The following KCNT2 variants were observed in gnomAD, a reference collection of about 807,000 sequenced individuals.
KCNT2 encodes the protein potassium channel subfamily T member 2.
A neutral mutation model predicts 153.8 loss-of-function variants in KCNT2; 67 were observed. That is an observed-to-expected ratio of 0.44 (90% CI 0.36 to 0.53). The LOEUF (loss-of-function observed/expected upper bound fraction) is 0.53. KCNT2 is among the 20% of genes least tolerant of loss of function. The pLI, the probability that KCNT2 is intolerant of heterozygous loss-of-function variation, is 0.00. For missense variants in KCNT2, 975 were observed against 1,354.8 expected (o/e 0.72, Z 4.40); for synonymous variants, 500 against 458.8 (o/e 1.09, Z -1.15).
At chr1:196,290,631 C>T (rs1228436336) in intron 22 of KCNT2, among the ~76,000 whole-genome samples, 1 of 151,572 alleles carries the variant, frequency 6.6e-6, no homozygotes, top group Non-Finnish European at 1.5e-5. Flanking sequence ...ATTTATATAT[C>T]ACCACTTATT....
At chr1:196,453,619 A>C (rs1572508295) in intron 8 of KCNT2, among the ~76,000 whole-genome samples, 1 of 151,584 alleles carries the variant, frequency 6.6e-6, no homozygotes, top group Non-Finnish European at 1.5e-5. Flanking sequence ...TCCTTCCTCC[A>C]CTTCTTGGTC....
At chr1:196,279,963 T>C (rs1658940085) in intron 25 of KCNT2, among the ~76,000 whole-genome samples, 1 of 152,166 alleles carries the variant, frequency 6.6e-6, no homozygotes, top group South Asian at 2.1e-4. Context: ...GAAATGTATG[T>C]GTCTGATCTG....
rs905437671 is a variant in KCNT2 at position 196,337,418 on chromosome 1, G to A, written c.1783+2923C>T. 5.9e-5 allele frequency among the ~76,000 whole-genome samples: 9 copies of A among 152,178 alleles called. No individual in the cohort carries two copies. In the East Asian group the frequency reaches 1.7e-3, roughly 30 times the overall value. On this transcript the variant is annotated intron_variant, in intron 16 of 27. Coordinates refer to ENST00000294725, the MANE Select transcript of KCNT2 (RefSeq NM_198503.5). ...CAGCCTGAGTTGAGCACTCAGCATAGGTGAGATCAGGTCAATGGCTCTGCA... is the reference window on the plus strand; with the variant it reads ...CAGCCTGAGTTGAGCACTCAGCATAAGTGAGATCAGGTCAATGGCTCTGCA...
At chr1:196,501,251 T>C (rs746353637) in intron 1 of KCNT2, among the ~76,000 whole-genome samples, 1 of 152,184 alleles carries the variant, frequency 6.6e-6, no homozygotes, top group Non-Finnish European at 1.5e-5. Context: ...AAGATACAAG[T>C]ACTTGTATTT....
chr1:196,322,891 T>A (rs1166342972), intron 19 of KCNT2, among the ~76,000 whole-genome samples: 2 of 151,836 alleles, frequency 1.3e-5, no homozygotes, highest in African/African-American at 2.4e-5. Flanking sequence ...ATTAATTGGG[T>A]TTTCATAATC....
intron 23 of KCNT2, among the ~76,000 whole-genome samples, chr1:196,285,238 T>C (rs907340611): frequency 6.6e-6 from 1 of 152,200 alleles, no homozygotes; most frequent in Non-Finnish European, 1.5e-5. Flanking sequence ...CCTTAGTTTA[T>C]CAGTTTATTG....
intron 12 of KCNT2, among the ~76,000 whole-genome samples, chr1:196,408,311 A>G (rs545449378): frequency 6.6e-6 from 1 of 151,616 alleles, no homozygotes; most frequent in Admixed American, 6.6e-5. Context: ...TTCATGATCA[A>G]TTTTGCCATC....
At chr1:196,595,838 T>C (rs908369610) in intron 1 of KCNT2, among the ~76,000 whole-genome samples, 1 of 151,706 alleles carries the variant, frequency 6.6e-6, no homozygotes, top group Non-Finnish European at 1.5e-5. Context: ...CCCTCACCCT[T>C]CCTCCCGACC....
intron 8 of KCNT2, among the ~76,000 whole-genome samples, chr1:196,451,401 C>A (rs1281415289): frequency 3.2e-5 from 4 of 123,492 alleles, no homozygotes; most frequent in African/African-American, 1.2e-4. Context: ...CTACCACACC[C>A]AACACATTTT....
chr1:196,542,342 C>A (rs998854129), intron 1 of KCNT2, among the ~76,000 whole-genome samples: 1 of 152,088 alleles, frequency 6.6e-6, no homozygotes, highest in Non-Finnish European at 1.5e-5. Context: ...GAATATGGGG[C>A]AACCTGGTGA....
Position 196,339,552 on chromosome 1 carries a change from GAC to G in KCNT2, c.1783+787_1783+788del, listed in dbSNP as rs1177744975. On this transcript the variant is annotated intron_variant, in intron 16 of 27. Transcript: ENST00000294725. The stretch of plus-strand genomic sequence containing the variant: ...AGAGAGAGAGAGAGAGAGAGAGAGA[GAC>G]AGAGACACAGAGAGAGAGAGATCAG... 1.6e-4 allele frequency among the ~76,000 whole-genome samples: 22 copies of G among 137,460 alleles called. 1 individual carries two copies. The highest frequency in any genetic ancestry group is 2.3e-4 in the East Asian group (1 of 4,402). The allele number at this position is 137,460 out of a possible 152,430, so 90.2% of individuals were successfully genotyped here.
intron 22 of KCNT2, among the ~76,000 whole-genome samples, chr1:196,300,238 G>T (rs1240237198): frequency 1.3e-5 from 2 of 152,180 alleles, no homozygotes; most frequent in Non-Finnish European, 2.9e-5. Context: ...CCTCAAGATG[G>T]CAAGGAATAG....
chr1:196,442,237 A>G (rs532214610), intron 8 of KCNT2, among the ~76,000 whole-genome samples: 1 of 151,944 alleles, frequency 6.6e-6, no homozygotes, highest in Admixed American at 6.6e-5. Flanking sequence ...GTACTTAATC[A>G]CTTTACCTTT....
intron 22 of KCNT2, among the ~76,000 whole-genome samples, chr1:196,299,222 T>C (rs1220416149): frequency 1.3e-5 from 2 of 152,112 alleles, no homozygotes; most frequent in Non-Finnish European, 2.9e-5. Flanking sequence ...TCCATCTCTA[T>C]TTAGCTCTTC....
intron 1 of KCNT2, among the ~76,000 whole-genome samples, chr1:196,593,311 TACAC>T (rs869080667): frequency 0.059 from 8,324 of 140,044 alleles, 365 homozygotes; most frequent in Non-Finnish European, 0.084. Context: ...TATATATATA[TACAC>T]ACACACACAC....
chr1:196,378,302 A>G (rs1215894358), intron 13 of KCNT2, among the ~76,000 whole-genome samples: 2 of 152,090 alleles, frequency 1.3e-5, no homozygotes. Context: ...GTGTATCTGT[A>G]TGGGGTAGTG....
chr1:196,559,673 A>G (rs1659128783), intron 1 of KCNT2, among the ~76,000 whole-genome samples: 2 of 151,872 alleles, frequency 1.3e-5, no homozygotes, highest in Non-Finnish European at 2.9e-5. Context: ...TGTAAAAAGC[A>G]CAACTAAATA....
At chr1:196,561,672 A>AAAAAAAAAAAC (rs1659419427) in intron 1 of KCNT2, among the ~76,000 whole-genome samples, 1 of 34,738 alleles carries the variant, frequency 2.9e-5, no homozygotes, top group Non-Finnish European at 3.9e-4. Flanking sequence ...AAAAAAAAAA[A>AAAAAAAAAAAC]AAAAAGAAGA....
intron 16 of KCNT2, among the ~76,000 whole-genome samples, chr1:196,336,117 T>C (rs1421769084): frequency 2.0e-5 from 3 of 152,094 alleles, no homozygotes; most frequent in Admixed American, 1.3e-4. Flanking sequence ...CTTGCATCAT[T>C]AATAGTCTCT....
Sources: gnomAD v4.1 joint callset for allele counts (sites outside exome capture counted in the v4.1 genomes callset) on GRCh38, gnomAD v4.1.1 for gene constraint, MANE v1.5 for transcripts, NCBI Gene and HGNC (gene_info 2026-07-23, HGNC 2026-07-21) for gene names.